Variants in CDKAL1 observed in about 807,000 individuals in gnomAD.
The protein encoded by CDKAL1 is threonylcarbamoyladenosine tRNA methylthiotransferase.
CDKAL1 carries 32 observed loss-of-function variants against 68.2 expected under a neutral mutation model. The ratio of observed to expected loss-of-function variants is 0.47; its 90% CI spans 0.35 to 0.63. CDKAL1 has a LOEUF of 0.63. Among genes scored for constraint, CDKAL1 ranks in the 30% least tolerant of loss-of-function variants. The probability of loss-of-function intolerance (pLI) is 0.00; values close to 1 mark genes in which losing one functional copy is unlikely to be tolerated. For synonymous variants in CDKAL1, 234 were observed against 244.3 expected, an observed-to-expected ratio of 0.96 and a Z score of 0.39; for missense variants, 606 against 696.7, an observed-to-expected ratio of 0.87 and a Z score of 1.47.
intron 9 of CDKAL1, among the ~76,000 whole-genome samples, chr6:20,936,319 C>T (rs1366546739): frequency 7.7e-6 from 1 of 129,764 alleles, no homozygotes; most frequent in Non-Finnish European, 1.6e-5. Context: ...GGCGGGATCT[C>T]GGCTCACTGC....
intron 8 of CDKAL1, among the ~76,000 whole-genome samples, chr6:20,810,831 A>G (rs1776785138): frequency 1.3e-5 from 2 of 152,070 alleles, no homozygotes; most frequent in Admixed American, 1.3e-4. Flanking sequence ...GCTCTTGTTC[A>G]TTCGCCCTCT....
intron 5 of CDKAL1, among the ~76,000 whole-genome samples, chr6:20,725,582 C>G (rs570097847): frequency 6.6e-6 from 1 of 152,090 alleles, no homozygotes; most frequent in Non-Finnish European, 1.5e-5. Context: ...GTCAGGAGTT[C>G]AAGACCAGCC....
intron 2 of CDKAL1, 30 bp from the exon 3 acceptor site, chr6:20,546,316 T>C (rs764316509): frequency 1.3e-6 from 2 of 1,524,488 alleles, no homozygotes; most frequent in Admixed American, 1.9e-5. Flanking sequence ...TTTTCATAAG[T>C]TGATTTTATT....
chr6:20,597,980 G>A (rs538606439), intron 4 of CDKAL1, among the ~76,000 whole-genome samples: 1 of 152,298 alleles, frequency 6.6e-6, no homozygotes. Flanking sequence ...TGTTAAAAAA[G>A]GATGTGAGTG....
intron 4 of CDKAL1, among the ~76,000 whole-genome samples, chr6:20,611,248 C>T (rs1473760640): frequency 6.6e-6 from 1 of 152,118 alleles, no homozygotes; most frequent in African/African-American, 2.4e-5. Context: ...GGTTTCGTGT[C>T]TTAGCCCTGG....
At chr6:21,125,414 T>C (rs1265104256) in intron 13 of CDKAL1, among the ~76,000 whole-genome samples, 1 of 152,174 alleles carries the variant, frequency 6.6e-6, no homozygotes, top group African/African-American at 2.4e-5. Context: ...GGCTCACACC[T>C]ATAATCCCAG....
intron 13 of CDKAL1, among the ~76,000 whole-genome samples, chr6:21,141,975 G>C (rs1195658992): frequency 2.0e-5 from 3 of 152,044 alleles, no homozygotes; most frequent in Admixed American, 6.5e-5. Context: ...ATTTTTTCTA[G>C]TCATTAATCT....
Position 20,987,392 on chromosome 6 carries a change from C to G in CDKAL1, c.910-12835C>G, listed in dbSNP as rs185848468. Among the ~76,000 whole-genome samples the G allele has an allele frequency of 4.0e-5, 6 of 151,766 alleles. No individual in the cohort carries two copies. The East Asian group carries it at 1.2e-3, about 29-fold the overall frequency. The stretch of plus-strand genomic sequence containing the variant: ...TCCTCAGCCTCCTGAGCAGCTGGGA[C>G]TATAGGTGTGCACCACCAAACCCAG... On this transcript the variant is annotated intron_variant, in intron 10 of 15. Coordinates refer to ENST00000274695, the MANE Select transcript of CDKAL1 (RefSeq NM_017774.3).
intron 9 of CDKAL1, among the ~76,000 whole-genome samples, chr6:20,936,274 G>A (rs1315499359): frequency 8.6e-6 from 1 of 116,262 alleles, no homozygotes; most frequent in Non-Finnish European, 1.7e-5. Flanking sequence ...TTTTTGAGAC[G>A]GAGTCTCGCT....
At chr6:20,973,825 G>C (rs908003379) in intron 10 of CDKAL1, among the ~76,000 whole-genome samples, 1 of 151,938 alleles carries the variant, frequency 6.6e-6, no homozygotes, top group Non-Finnish European at 1.5e-5. Flanking sequence ...GGCTAGTCTC[G>C]AACTCCTGGG....
At chr6:20,824,752 G>T (rs1248617344) in intron 8 of CDKAL1, among the ~76,000 whole-genome samples, 6 of 152,140 alleles carry the variant, frequency 3.9e-5, no homozygotes, top group Admixed American at 3.3e-4. Context: ...CTACACGTAG[G>T]GGGAAAGGAT....
At chr6:21,024,576 A>G (rs1446902824) in intron 11 of CDKAL1, among the ~76,000 whole-genome samples, 2 of 152,238 alleles carry the variant, frequency 1.3e-5, no homozygotes, top group African/African-American at 4.8e-5. Context: ...TTACCATCAA[A>G]AATACATGTC....
chr6:20,757,485 C>T (rs897956291), intron 6 of CDKAL1, among the ~76,000 whole-genome samples: 2 of 151,894 alleles, frequency 1.3e-5, no homozygotes, highest in African/African-American at 2.4e-5. Context: ...TACCAAAGAC[C>T]CCGGGACCTC....
At chr6:20,806,486 A>G (rs988282645) in intron 8 of CDKAL1, among the ~76,000 whole-genome samples, 1 of 152,188 alleles carries the variant, frequency 6.6e-6, no homozygotes, top group Non-Finnish European at 1.5e-5. Context: ...TTTGGTATAT[A>G]TGCAATAATG....
At chr6:20,776,200 A>C (rs1018344073) in intron 7 of CDKAL1, among the ~76,000 whole-genome samples, 2 of 152,352 alleles carry the variant, frequency 1.3e-5, no homozygotes, top group Admixed American at 1.3e-4. Flanking sequence ...TGTCTCATGC[A>C]AGTATGAAAA....
chr6:20,680,447 T>TCTTACAAATATTATATTTGAAATA, intron 5 of CDKAL1, among the ~76,000 whole-genome samples: 1 of 152,070 alleles, frequency 6.6e-6, no homozygotes, highest in Non-Finnish European at 1.5e-5. Flanking sequence ...TATTTGAAAT[T>TCTTACAAATATTATATTTGAAATA]TCTTACAAAT....
intron 13 of CDKAL1, among the ~76,000 whole-genome samples, chr6:21,152,992 C>T (rs1008925221): frequency 5.3e-5 from 8 of 152,108 alleles, no homozygotes; most frequent in African/African-American, 1.9e-4. Context: ...TCTTTTATCT[C>T]TCCTATTCTA....
chr6:20,747,346 G>T (rs1003824983), intron 6 of CDKAL1, among the ~76,000 whole-genome samples: 11 of 152,094 alleles, frequency 7.2e-5, no homozygotes, highest in African/African-American at 2.4e-4. Context: ...ATTTCCTTTG[G>T]ATATATAAGG....
intron 11 of CDKAL1, among the ~76,000 whole-genome samples, chr6:21,020,428 A>G (rs1319954526): frequency 6.6e-6 from 1 of 152,156 alleles, no homozygotes; most frequent in East Asian, 1.9e-4. Context: ...TCACAGGTTC[A>G]CAGGTACTAT....
Sources: allele counts gnomAD v4.1 joint callset (sites outside exome capture counted in the v4.1 genomes callset), GRCh38; gene constraint gnomAD v4.1.1; transcripts MANE v1.5; gene names NCBI Gene and HGNC (gene_info 2026-07-23, HGNC 2026-07-21).